Variants in VWA8 observed in about 807,000 individuals in gnomAD.
VWA8 encodes the protein von Willebrand factor A domain-containing protein 8.
A neutral mutation model predicts 241.5 loss-of-function variants in VWA8; 221 were observed. The ratio of observed to expected loss-of-function variants is 0.91; its 90% CI spans 0.82 to 1.02. The LOEUF is 1.02. Among genes scored for constraint, VWA8 ranks in the 50% least tolerant of loss-of-function variants. The pLI is 0.00. For missense variants in VWA8, 2,322 were observed against 2,328.7 expected, an observed-to-expected ratio of 1.00 and a Z score of 0.06; for synonymous variants, 852 against 827.1, an observed-to-expected ratio of 1.03 and a Z score of -0.52.
chr13:41,742,692 T>G (rs1295701055), intron 21 of VWA8, among the ~76,000 whole-genome samples: 2 of 152,236 alleles, frequency 1.3e-5, no homozygotes, highest in African/African-American at 4.8e-5. Flanking sequence ...TTTGTGTGAT[T>G]TAAAGGTCTC....
intron 18 of VWA8, among the ~76,000 whole-genome samples, chr13:41,785,515 T>C (rs768284255): frequency 3.1e-4 from 47 of 152,134 alleles, no homozygotes; most frequent in Non-Finnish European, 4.7e-4. Flanking sequence ...AATGCGACTT[T>C]TGTGCTAAGC....
chr13:41,595,388 T>TG, intron 40 of VWA8, among the ~76,000 whole-genome samples: 1 of 152,246 alleles, frequency 6.6e-6, no homozygotes, highest in East Asian at 1.9e-4. Flanking sequence ...TCTTTCTTTT[T>TG]GGGGGTTAAC....
chr13:41,661,036 T>C (rs12869559), intron 37 of VWA8, among the ~76,000 whole-genome samples: 3,362 of 152,264 alleles, frequency 0.022, 80 homozygotes, highest in African/African-American at 0.062. Context: ...CAGCTAATTT[T>C]TGAATTTTTA....
intron 9 of VWA8, among the ~76,000 whole-genome samples, chr13:41,874,313 T>C (rs1208561500): frequency 5.3e-5 from 8 of 150,808 alleles, no homozygotes; most frequent in South Asian, 2.2e-4. Flanking sequence ...CTATTCAACA[T>C]AGTGTTGGAA....
At chr13:41,959,493 C>CAAAAAA (rs59960898) in intron 1 of VWA8, among the ~76,000 whole-genome samples, 4 of 76,474 alleles carry the variant, frequency 5.2e-5, no homozygotes, top group Non-Finnish European at 9.9e-5. Flanking sequence ...TGAGAAAAAG[C>CAAAAAA]AAAAAAAAAA....
chr13:41,650,098 T>C (rs939530775), intron 37 of VWA8, among the ~76,000 whole-genome samples: 4 of 152,236 alleles, frequency 2.6e-5, no homozygotes, highest in African/African-American at 4.8e-5. Flanking sequence ...TAGTTCACCA[T>C]ATAATCTTTA....
At chr13:41,725,011 AC>A (rs1209796736) in intron 24 of VWA8, among the ~76,000 whole-genome samples, 6 of 152,058 alleles carry the variant, frequency 3.9e-5, no homozygotes, top group African/African-American at 9.7e-5. Context: ...GCTTTTTCTA[AC>A]CACATTCAGC....
intron 37 of VWA8, among the ~76,000 whole-genome samples, chr13:41,618,961 T>C (rs955306216): frequency 2.6e-5 from 4 of 152,240 alleles, no homozygotes; most frequent in African/African-American, 9.6e-5. Context: ...ATGTGGGCTC[T>C]TTTTTGTTTC....
At chr13:41,662,320 T>G (rs1160294514) in intron 37 of VWA8, among the ~76,000 whole-genome samples, 1 of 152,182 alleles carries the variant, frequency 6.6e-6, no homozygotes, top group East Asian at 1.9e-4. Context: ...TTCATTAATG[T>G]TTTACAGTAT....
chr13:41,882,054 G>GT (rs1467231708), intron 9 of VWA8, among the ~76,000 whole-genome samples: 2 of 128,718 alleles, frequency 1.6e-5, no homozygotes, highest in African/African-American at 6.5e-5. Flanking sequence ...CAGACGGGCG[G>GT]TTGCCAGGCG....
intron 32 of VWA8, among the ~76,000 whole-genome samples, chr13:41,690,625 T>C (rs2045170147): frequency 6.6e-6 from 1 of 152,104 alleles, no homozygotes; most frequent in Non-Finnish European, 1.5e-5. Flanking sequence ...GACTTCTGAT[T>C]TGTGATCAGC....
chr13:41,922,639 C>G (rs1876606754), intron 2 of VWA8, among the ~76,000 whole-genome samples: 1 of 152,174 alleles, frequency 6.6e-6, no homozygotes, highest in South Asian at 2.1e-4. Context: ...TGAACAGACA[C>G]TTCTCAAAAG....
chr13:41,958,995 TG>T, intron 1 of VWA8, among the ~76,000 whole-genome samples: 1 of 152,316 alleles, frequency 6.6e-6, no homozygotes, highest in Middle Eastern at 3.4e-3. Flanking sequence ...AAAGAACAAT[TG>T]TTTTTTAAAA....
chr13:41,672,553 T>A (rs1375428061), intron 36 of VWA8, among the ~76,000 whole-genome samples: 2 of 152,234 alleles, frequency 1.3e-5, no homozygotes, highest in Non-Finnish European at 2.9e-5. Context: ...AAAACCATTA[T>A]ATATTAGGTA....
chr13:41,907,637 A>C lies in VWA8; in HGVS notation c.432T>G (p.Asp144Glu). 1 of 1,614,140 alleles carries C rather than the reference A, an allele frequency of 6.2e-7. No individual in the cohort carries two copies. Among genetic ancestry groups the C allele is most frequent in the Non-Finnish European group, 8.5e-7 (1 of 1,180,002 alleles). ...CACGGATCTCTCGTCGCTGTTTGAG[A>C]TCAGTTTCAGTGGTGTCCCTTGACA... ...IALSRDTTETDLKQRREIRAG... is the reference protein window; with the variant it reads ...IALSRDTTETELKQRREIRAG... The change falls in exon 4 of 45, where the codon GAT (aspartate) becomes GAG (glutamate). Residue 144 changes from aspartate to glutamate, a missense_variant. Transcript: ENST00000379310.
intron 20 of VWA8, among the ~76,000 whole-genome samples, chr13:41,771,973 C>A (rs2045827214): frequency 6.8e-6 from 1 of 146,954 alleles, no homozygotes; most frequent in Non-Finnish European, 1.5e-5. Flanking sequence ...TCACCGCAAC[C>A]TCTGCCTCCT....
chr13:41,721,802 C>T (rs1035670055), intron 24 of VWA8, among the ~76,000 whole-genome samples: 12 of 152,090 alleles, frequency 7.9e-5, no homozygotes, highest in Non-Finnish European at 1.8e-4. Flanking sequence ...AAAAAACTTA[C>T]ATAATACTTG....
chr13:41,934,339 A>T lies in VWA8; in HGVS notation c.241+15597T>A, dbSNP rs544057783. 3.9e-4 allele frequency among the ~76,000 whole-genome samples: 60 copies of T among 152,170 alleles called. 1 individual carries two copies. The South Asian group carries it at 0.012, about 32-fold the overall frequency. On this transcript the variant is annotated intron_variant, in intron 2 of 44. Coordinates refer to ENST00000379310, the MANE Select transcript of VWA8 (RefSeq NM_015058.2). ...ACACCAAGAGCTGGCAAGAATATGGAGGAACTGGAACTCTGATACACTGCT... is the reference window on the plus strand; with the variant it reads ...ACACCAAGAGCTGGCAAGAATATGGTGGAACTGGAACTCTGATACACTGCT...
chr13:41,568,549 G>C (rs1453694233), intron 44 of VWA8, among the ~76,000 whole-genome samples: 1 of 152,182 alleles, frequency 6.6e-6, no homozygotes, highest in Non-Finnish European at 1.5e-5. Context: ...GAGAAAGTCA[G>C]TGAATTTGAA....
Sources: gnomAD v4.1 joint callset for allele counts (sites outside exome capture counted in the v4.1 genomes callset) on GRCh38, gnomAD v4.1.1 for gene constraint, MANE v1.5 for transcripts, NCBI Gene and HGNC (gene_info 2026-07-23, HGNC 2026-07-21) for gene names.